The following ZBTB20 variants were observed in gnomAD, a reference collection of about 807,000 sequenced individuals.
The protein encoded by ZBTB20 is zinc finger and BTB domain containing 20.
A neutral mutation model predicts 56.9 loss-of-function variants in ZBTB20; 9 were observed. The observed-to-expected ratio is 0.16, with a 90% CI of 0.10 to 0.28. ZBTB20 has a LOEUF of 0.28. Among genes scored for constraint, ZBTB20 ranks in the 10% least tolerant of loss-of-function variants. The pLI, the probability that ZBTB20 is intolerant of heterozygous loss-of-function variation, is 1.00. For synonymous variants in ZBTB20, 417 were observed against 420.7 expected, an observed-to-expected ratio of 0.99 and a Z score of 0.11; for missense variants, 655 against 1,003.0, an observed-to-expected ratio of 0.65 and a Z score of 4.69.
chr3:114,472,597 G>T (rs1052080945), intron 7 of ZBTB20, among the ~76,000 whole-genome samples: 3 of 152,014 alleles, frequency 2.0e-5, no homozygotes, highest in Non-Finnish European at 4.4e-5. Flanking sequence ...AATCCTAGCT[G>T]CTTCGGAGGC....
chr3:114,590,289 C>G (rs2055615038), intron 6 of ZBTB20, among the ~76,000 whole-genome samples: 1 of 151,842 alleles, frequency 6.6e-6, no homozygotes, highest in Admixed American at 6.6e-5. Flanking sequence ...AACCCCGTCT[C>G]TACTAAAAAT....
intron 1 of ZBTB20, among the ~76,000 whole-genome samples, chr3:115,143,535 GA>G (rs1296528898): frequency 6.6e-6 from 1 of 152,170 alleles, no homozygotes; most frequent in East Asian, 1.9e-4. Context: ...AACTGAAAAA[GA>G]TTTAGGTACT....
chr3:114,798,205 T>C (rs1237243011), intron 5 of ZBTB20, among the ~76,000 whole-genome samples: 1 of 151,798 alleles, frequency 6.6e-6, no homozygotes, highest in Non-Finnish European at 1.5e-5. Context: ...TAAGCCCAAT[T>C]AAACTACTGA....
intron 7 of ZBTB20, among the ~76,000 whole-genome samples, chr3:114,458,337 C>A (rs964347831): frequency 6.6e-6 from 1 of 152,136 alleles, no homozygotes; most frequent in Non-Finnish European, 1.5e-5. Flanking sequence ...TTAAGGTTTG[C>A]ATAATCATTT....
chr3:114,789,876 T>C (rs2108802692), intron 5 of ZBTB20, among the ~76,000 whole-genome samples: 1 of 152,300 alleles, frequency 6.6e-6, no homozygotes, highest in African/African-American at 2.4e-5. Context: ...ATCAAGTCTC[T>C]TGATTGTGTA....
At chr3:114,595,512 A>G (rs1321420079) in intron 6 of ZBTB20, among the ~76,000 whole-genome samples, 2 of 152,234 alleles carry the variant, frequency 1.3e-5, no homozygotes, top group Non-Finnish European at 2.9e-5. Context: ...AGAGACCTGA[A>G]TTGAAATCAA....
intron 5 of ZBTB20, among the ~76,000 whole-genome samples, chr3:114,783,495 C>T: frequency 6.6e-6 from 1 of 152,008 alleles, no homozygotes; most frequent in East Asian, 1.9e-4. Flanking sequence ...TGTTTCTCTT[C>T]TGTTAAGATA....
At chr3:114,726,580 C>T (rs986013623) in intron 5 of ZBTB20, among the ~76,000 whole-genome samples, 2 of 152,056 alleles carry the variant, frequency 1.3e-5, no homozygotes, top group African/African-American at 4.8e-5. Context: ...CTAGGTAATG[C>T]TAATGCTGCT....
intron 7 of ZBTB20, among the ~76,000 whole-genome samples, chr3:114,456,213 GGAGA>G (rs144911044): frequency 2.2e-4 from 32 of 147,310 alleles, no homozygotes; most frequent in African/African-American, 4.3e-4. Context: ...ATATATATAT[GGAGA>G]GAGAGAGAGA....
Position 114,598,493 on chromosome 3 carries a change from C to A in ZBTB20, c.-295+95035G>T, listed in dbSNP as rs141458627. Among the ~76,000 whole-genome samples, 1,397 of 151,376 alleles carry A rather than the reference C, an allele frequency of 9.2e-3. 26 individuals carry two copies. Among genetic ancestry groups the A allele is most frequent in the African/African-American group, 0.031 (1,272 of 41,298 alleles). The stretch of plus-strand genomic sequence containing the variant: ...CTCTTGTATAAAGAAAATTAGTATA[C>A]ATATATACACATATTTATGATAGAT... On this transcript the variant is annotated intron_variant, in intron 6 of 11. Transcript: ENST00000675478.
At chr3:114,629,957 G>C (rs2058852528) in intron 6 of ZBTB20, among the ~76,000 whole-genome samples, 1 of 152,012 alleles carries the variant, frequency 6.6e-6, no homozygotes, top group Admixed American at 6.6e-5. Flanking sequence ...AGACTAGTTT[G>C]GGCAAAATGG....
chr3:114,338,934 C>CA lies in ZBTB20; in HGVS notation c.*70dup, dbSNP rs2079558431. 1 of 1,430,418 alleles carries CA rather than the reference C, an allele frequency of 7.0e-7. No individual in the cohort carries two copies. Among genetic ancestry groups the CA allele is most frequent in the African/African-American group, 1.4e-5 (1 of 70,260 alleles). 88.6% of individuals were successfully genotyped at this position (1,430,418 alleles called of 1,614,324 possible). On this transcript the variant is annotated 3_prime_UTR_variant, in exon 12 of 12. Coordinates refer to ENST00000675478, the MANE Select transcript of ZBTB20 (RefSeq NM_001348800.3). ...CAAAACATTTCTTAAATTCTAGTGC[C>CA]ATAGCTTTTTTGTTTGTTTGTTTTT...
chr3:114,356,538 C>T (rs1407970424), intron 10 of ZBTB20, among the ~76,000 whole-genome samples: 3 of 152,096 alleles, frequency 2.0e-5, no homozygotes, highest in East Asian at 1.9e-4. Context: ...ATATAAATTT[C>T]GGTCCAGTTA....
Position 114,803,280 on chromosome 3 carries a change from TG to T in ZBTB20, c.-416-2107del, listed in dbSNP as rs887850256. On this transcript the variant is annotated intron_variant, in intron 4 of 11. Coordinates refer to ENST00000675478, the MANE Select transcript of ZBTB20 (RefSeq NM_001348800.3). ...CCCAATCCAAAGAAAACAGAGCAAT[TG>T]AAAAAATAGAGACTCAACATCACTT... Among the ~76,000 whole-genome samples, 77 of 151,696 alleles carry T rather than the reference TG, an allele frequency of 5.1e-4. 1 individual carries two copies. The highest frequency in any genetic ancestry group is 3.4e-3 in the Admixed American group (52 of 15,196).
Position 114,879,417 on chromosome 3 carries a change from T to TA in ZBTB20, c.-417+20886dup, listed in dbSNP as rs373357217. Among the ~76,000 whole-genome samples the TA allele has an allele frequency of 1.2e-3, 180 of 151,212 alleles. 2 individuals are homozygous for TA. Among genetic ancestry groups the TA allele is most frequent in the African/African-American group, 4.1e-3 (168 of 41,250 alleles). On this transcript the variant is annotated intron_variant, in intron 4 of 11. Coordinates refer to ENST00000675478, the MANE Select transcript of ZBTB20 (RefSeq NM_001348800.3). ...AAAGAAATAATTAGACACTGCACTT[T>TA]AAAAAAAAACCCTCAGTAGTGACTA...
chr3:114,792,008 G>A (rs1002468688), intron 5 of ZBTB20: 2 of 152,066 alleles, frequency 1.3e-5, no homozygotes, highest in African/African-American at 4.8e-5. Context: ...GGTGCATTTA[G>A]AGCCAACCTG....
chr3:115,073,218 A>T (rs369391519), intron 1 of ZBTB20, among the ~76,000 whole-genome samples: 3 of 152,340 alleles, frequency 2.0e-5, no homozygotes, highest in East Asian at 3.8e-4. Flanking sequence ...TTGCTTCCTC[A>T]AAAGATTATG....
intron 6 of ZBTB20, among the ~76,000 whole-genome samples, chr3:114,625,898 A>G (rs2058635127): frequency 6.6e-6 from 1 of 152,224 alleles, no homozygotes. Flanking sequence ...AAATTGCTCT[A>G]TAAGTCAACT....
chr3:115,041,684 T>A (rs1215797137), intron 2 of ZBTB20, among the ~76,000 whole-genome samples: 1 of 152,188 alleles, frequency 6.6e-6, no homozygotes, highest in Non-Finnish European at 1.5e-5. Flanking sequence ...GTTTGGTTGA[T>A]AATATGTTAA....
Sources: gnomAD v4.1 joint callset for allele counts (sites outside exome capture counted in the v4.1 genomes callset) on GRCh38, gnomAD v4.1.1 for gene constraint, MANE v1.5 for transcripts, NCBI Gene and HGNC (gene_info 2026-07-23, HGNC 2026-07-21) for gene names.